The following ELOVL6 variants were observed in gnomAD, a reference collection of about 807,000 sequenced individuals.
ELOVL6 encodes ELOVL fatty acid elongase 6, also known as very long chain fatty acid elongase 6.
A neutral mutation model predicts 31.7 loss-of-function variants in ELOVL6; 8 were observed. That is an observed-to-expected ratio of 0.25 (90% CI 0.15 to 0.45). The LOEUF is 0.45. Ranked by LOEUF, ELOVL6 falls within the 20% of genes least tolerant of loss-of-function variation. The pLI, the probability that ELOVL6 is intolerant of heterozygous loss-of-function variation, is 1.00. For missense variants in ELOVL6, 126 were observed against 326.4 expected (o/e 0.39, Z 4.73); for synonymous variants, 101 against 117.7 (o/e 0.86, Z 0.92).
chr4:110,084,588 A>ATTTTTTTTTT lies in ELOVL6; in HGVS notation c.221+20899_221+20908dup, dbSNP rs1168880044. ...GATATATATATATATATATATATAT[A>ATTTTTTTTTT]TTTTTTTTTTTTTTTTTTTTTTTTG... is the stretch of plus-strand genomic sequence containing the variant. On this transcript the variant is annotated intron_variant, in intron 2 of 3. Transcript: ENST00000302274. Among the ~76,000 whole-genome samples the ATTTTTTTTTT allele has an allele frequency of 5.7e-4, 17 of 29,656 alleles. 1 individual carries two copies. The highest frequency in any genetic ancestry group is 3.1e-3 in the African/African-American group (14 of 4,584). The allele number at this position is 29,656 out of a possible 152,430, so 19.5% of individuals were successfully genotyped here.
intron 2 of ELOVL6, among the ~76,000 whole-genome samples, chr4:110,103,913 G>A (rs1189994220): frequency 1.3e-5 from 2 of 152,158 alleles, no homozygotes; most frequent in African/African-American, 4.8e-5. Context: ...TACTGTGTTT[G>A]CTTTTAAAGA....
intron 1 of ELOVL6, among the ~76,000 whole-genome samples, chr4:110,169,811 T>A (rs1392552848): frequency 1.4e-5 from 2 of 142,156 alleles, no homozygotes; most frequent in South Asian, 2.1e-4. Flanking sequence ...TTCTTTCTTT[T>A]TTTTTTTTTT....
At chr4:110,099,154 C>A (rs573466488) in intron 2 of ELOVL6, among the ~76,000 whole-genome samples, 1 of 151,882 alleles carries the variant, frequency 6.6e-6, no homozygotes, top group African/African-American at 2.4e-5. Flanking sequence ...AAGGTAATTG[C>A]CAATAATTCT....
rs1472783379 is a variant in ELOVL6 at position 110,198,546 on chromosome 4, T to C, written c.-211A>G. ...CCTGCGCCTCCGCTCCCAGCTCCTC[T>C]CTCTGGGGCTCTCCTCCTCCCGGCG... is the stretch of plus-strand genomic sequence containing the variant. On this transcript the variant is annotated 5_prime_UTR_variant, in exon 1 of 4. Coordinates refer to ENST00000302274, the MANE Select transcript of ELOVL6 (RefSeq NM_024090.3). 3 of 506,818 alleles carry C rather than the reference T, an allele frequency of 5.9e-6. No homozygotes were observed. In the Admixed American group the frequency reaches 1.1e-4, roughly 19 times the overall value. 31.4% of individuals were successfully genotyped at this position (506,818 alleles called of 1,614,324 possible).
At chr4:110,125,190 A>G (rs986657699) in intron 1 of ELOVL6, among the ~76,000 whole-genome samples, 4 of 152,184 alleles carry the variant, frequency 2.6e-5, no homozygotes, top group African/African-American at 9.6e-5. Flanking sequence ...TTTGACTCCA[A>G]TGCTTCAGTG....
chr4:110,182,016 T>C (rs1759287650), intron 1 of ELOVL6, among the ~76,000 whole-genome samples: 1 of 152,048 alleles, frequency 6.6e-6, no homozygotes, highest in Non-Finnish European at 1.5e-5. Context: ...GTGCAGCATC[T>C]GTTTCCAGGT....
chr4:110,176,717 G>A (rs1759115957), intron 1 of ELOVL6, among the ~76,000 whole-genome samples: 1 of 152,152 alleles, frequency 6.6e-6, no homozygotes, highest in Admixed American at 6.5e-5. Context: ...AGCCTCTCAA[G>A]GCGATCACTC....
intron 1 of ELOVL6, among the ~76,000 whole-genome samples, chr4:110,195,267 G>A (rs1302010263): frequency 2.0e-5 from 3 of 152,016 alleles, no homozygotes; most frequent in Non-Finnish European, 2.9e-5. Context: ...ACAGGCACCC[G>A]CCACCACGCT....
intron 1 of ELOVL6, among the ~76,000 whole-genome samples, chr4:110,185,771 T>G (rs35183650): frequency 0.14 from 21,613 of 152,154 alleles, 1,733 homozygotes; most frequent in South Asian, 0.24. Flanking sequence ...GAACCTTTAA[T>G]GAAAGGATAG....
At chr4:110,085,976 GC>G (rs781323175) in intron 2 of ELOVL6, among the ~76,000 whole-genome samples, 14 of 152,162 alleles carry the variant, frequency 9.2e-5, no homozygotes, top group Non-Finnish European at 1.9e-4. Context: ...GAGATTACTG[GC>G]TCTAATTTTA....
chr4:110,152,067 A>C (rs1758293517), intron 1 of ELOVL6, among the ~76,000 whole-genome samples: 1 of 152,228 alleles, frequency 6.6e-6, no homozygotes, highest in African/African-American at 2.4e-5. Context: ...AGTAACAGTA[A>C]GATAAATATT....
chr4:110,191,104 C>G lies in ELOVL6; in HGVS notation c.89+7143G>C, dbSNP rs190882138. On this transcript the variant is annotated intron_variant, in intron 1 of 3. Transcript: ENST00000302274. ...AAAGTGCTGGGATTACAGGTGTGAG[C>G]CACCATACCCGACCCATACAATACT... 7.8e-3 allele frequency among the ~76,000 whole-genome samples: 1,191 copies of G among 152,244 alleles called. 12 individuals carry two copies. The highest frequency in any genetic ancestry group is 0.019 in the Admixed American group (291 of 15,294).
chr4:110,141,854 A>ATATATATAT (rs1304359285), intron 1 of ELOVL6, among the ~76,000 whole-genome samples: 1 of 53,610 alleles, frequency 1.9e-5, no homozygotes, highest in Non-Finnish European at 4.0e-5. Flanking sequence ...CAATACAATT[A>ATATATATAT]GTATATATAT....
In ELOVL6 at chr4:110,170,571, C is replaced by A. The variant is rs193222927; in HGVS notation, c.89+27676G>T. Among the ~76,000 whole-genome samples the A allele has an allele frequency of 1.7e-4, 26 of 152,312 alleles. No individual in the cohort carries two copies. In the East Asian group the frequency reaches 5.0e-3, roughly 29 times the overall value. On this transcript the variant is annotated intron_variant, in intron 1 of 3. Transcript: ENST00000302274. The stretch of plus-strand genomic sequence containing the variant: ...GGACTCTCATTCTCTAAACAAATGT[C>A]CTTTTTGCAGTGTACTTGGTCCTAC...
intron 3 of ELOVL6, among the ~76,000 whole-genome samples, chr4:110,053,338 G>T (rs1754885738): frequency 6.6e-6 from 1 of 152,112 alleles, no homozygotes; most frequent in South Asian, 2.1e-4. Context: ...GGCCTAAAAC[G>T]CTTGCACTCA....
At chr4:110,067,982 G>A (rs1036869053) in intron 2 of ELOVL6, among the ~76,000 whole-genome samples, 1 of 151,986 alleles carries the variant, frequency 6.6e-6, no homozygotes, top group Non-Finnish European at 1.5e-5. Context: ...AGACATTAAC[G>A]CCTTTCACAG....
chr4:110,101,680 C>T (rs1756746394), intron 2 of ELOVL6, among the ~76,000 whole-genome samples: 1 of 151,936 alleles, frequency 6.6e-6, no homozygotes, highest in Non-Finnish European at 1.5e-5. Context: ...TTCATTCGTT[C>T]ATTTATTTTT....
In ELOVL6 at chr4:110,080,145, C is replaced by T. The variant is rs545518692; in HGVS notation, c.222-20391G>A. ...GTCCAGGACCAGATGGATTCACAGC[C>T]GAATTCTACCAGAGGTACAAGGAGG... is the stretch of plus-strand genomic sequence containing the variant. On this transcript the variant is annotated intron_variant, in intron 2 of 3. Coordinates refer to ENST00000302274, the MANE Select transcript of ELOVL6 (RefSeq NM_024090.3). Among the ~76,000 whole-genome samples the T allele has an allele frequency of 1.7e-4, 26 of 152,220 alleles. No homozygotes were observed. The South Asian group carries it at 4.6e-3, about 27-fold the overall frequency.
At chr4:110,182,244 T>TA (rs1321481205) in intron 1 of ELOVL6, among the ~76,000 whole-genome samples, 1 of 152,118 alleles carries the variant, frequency 6.6e-6, no homozygotes, top group East Asian at 1.9e-4. Context: ...CCTTTCCTAT[T>TA]AAAAAAATCA....
Sources: allele counts gnomAD v4.1 joint callset (sites outside exome capture counted in the v4.1 genomes callset), GRCh38; gene constraint gnomAD v4.1.1; transcripts MANE v1.5; gene names NCBI Gene and HGNC (gene_info 2026-07-23, HGNC 2026-07-21).